Variants in GRIN2A observed in about 807,000 individuals in gnomAD.
The protein encoded by GRIN2A is glutamate receptor ionotropic, NMDA 2A.
A neutral mutation model predicts 113.4 loss-of-function variants in GRIN2A; 22 were observed. The observed-to-expected ratio is 0.19, with a 90% CI of 0.14 to 0.28. GRIN2A has a LOEUF of 0.28. Ranked by LOEUF, GRIN2A falls within the 10% of genes least tolerant of loss-of-function variation. The pLI, the probability that GRIN2A is intolerant of heterozygous loss-of-function variation, is 1.00. For synonymous variants in GRIN2A, 827 were observed against 738.4 expected, an observed-to-expected ratio of 1.12 and a Z score of -1.94; for missense variants, 1,502 against 1,887.0, an observed-to-expected ratio of 0.80 and a Z score of 3.78.
chr16:9,902,224 C>T (rs1426326182), intron 3 of GRIN2A, among the ~76,000 whole-genome samples: 1 of 152,150 alleles, frequency 6.6e-6, no homozygotes, highest in African/African-American at 2.4e-5. Context: ...GACCCTATGA[C>T]AATTTTCTGG....
chr16:10,094,771 G>A (rs1438986444), intron 2 of GRIN2A, among the ~76,000 whole-genome samples: 1 of 151,302 alleles, frequency 6.6e-6, no homozygotes, highest in Non-Finnish European at 1.5e-5. Context: ...TTTTAAAAGA[G>A]GAACCCAGAC....
chr16:10,114,325 C>G (rs139316298), intron 2 of GRIN2A, among the ~76,000 whole-genome samples: 2 of 152,298 alleles, frequency 1.3e-5, no homozygotes, highest in East Asian at 3.9e-4. Flanking sequence ...CTTGGAAACT[C>G]AAGAGAGAGT....
In GRIN2A at chr16:10,007,310, G is replaced by T. The variant is rs368873411; in HGVS notation, c.415-68759C>A. On this transcript the variant is annotated intron_variant, in intron 2 of 12. Transcript: ENST00000330684. ...CAGCATTCATCATTGCCTGTCTTTT[G>T]TAAAAAAGTCATTTTAGCTGGAGTG... Among the ~76,000 whole-genome samples the T allele has an allele frequency of 3.5e-4, 53 of 152,234 alleles. 1 individual carries two copies. The East Asian group carries it at 9.6e-3, about 28-fold the overall frequency.
At chr16:10,015,263 A>AAAAAAG (rs1195265214) in intron 2 of GRIN2A, among the ~76,000 whole-genome samples, 4 of 134,136 alleles carry the variant, frequency 3.0e-5, no homozygotes, top group Non-Finnish European at 6.3e-5. Flanking sequence ...AAAAAAAAAA[A>AAAAAAG]AAAAAAAAGA....
At chr16:9,928,980 C>A (rs1176663232) in intron 3 of GRIN2A, among the ~76,000 whole-genome samples, 6 of 152,202 alleles carry the variant, frequency 3.9e-5, no homozygotes, top group African/African-American at 1.4e-4. Context: ...TGTGCAGACG[C>A]CCACCAGGCA....
At chr16:10,103,147 G>A (rs1008701155) in intron 2 of GRIN2A, among the ~76,000 whole-genome samples, 2 of 151,350 alleles carry the variant, frequency 1.3e-5, no homozygotes, top group African/African-American at 4.9e-5. Context: ...ACTATCAGCA[G>A]CAACAGCAAC....
intron 4 of GRIN2A, among the ~76,000 whole-genome samples, chr16:9,865,153 G>T (rs1485868117): frequency 6.6e-6 from 1 of 152,166 alleles, no homozygotes; most frequent in Non-Finnish European, 1.5e-5. Flanking sequence ...ATTTAATAGT[G>T]AGAAAACAGT....
chr16:10,006,679 T>G (rs1474541345), intron 2 of GRIN2A, among the ~76,000 whole-genome samples: 1 of 152,158 alleles, frequency 6.6e-6, no homozygotes, highest in Non-Finnish European at 1.5e-5. Context: ...AAATTATTGC[T>G]GACTACAGTC....
At chr16:9,925,919 A>T (rs1412788730) in intron 3 of GRIN2A, among the ~76,000 whole-genome samples, 1 of 152,234 alleles carries the variant, frequency 6.6e-6, no homozygotes, top group Non-Finnish European at 1.5e-5. Context: ...AAGAAAGCAG[A>T]TTGGAACCAA....
At chr16:9,769,310 A>T in intron 11 of GRIN2A, 1 of 328,528 alleles carries the variant, frequency 3.0e-6, no homozygotes, top group Non-Finnish European at 5.6e-6. Context: ...TTTATATATA[A>T]AAATAGAGAA....
chr16:9,899,343 G>C (rs1416603735), intron 3 of GRIN2A, among the ~76,000 whole-genome samples: 2 of 146,332 alleles, frequency 1.4e-5, no homozygotes, highest in African/African-American at 5.1e-5. Context: ...ATGTGGCTGA[G>C]ACAGGAGAAC....
chr16:9,806,349 G>T (rs1488605430), intron 10 of GRIN2A, among the ~76,000 whole-genome samples: 1 of 152,186 alleles, frequency 6.6e-6, no homozygotes, highest in Non-Finnish European at 1.5e-5. Flanking sequence ...GAAGATTTGA[G>T]TCATCTATGG....
At chr16:10,128,031 A>G (rs2048982105) in intron 2 of GRIN2A, among the ~76,000 whole-genome samples, 1 of 152,152 alleles carries the variant, frequency 6.6e-6, no homozygotes, top group Admixed American at 6.5e-5. Context: ...TAAGAACTCA[A>G]CAGCAGACCC....
chr16:9,850,755 A>C (rs1354136500), intron 4 of GRIN2A, among the ~76,000 whole-genome samples: 1 of 152,198 alleles, frequency 6.6e-6, no homozygotes, highest in African/African-American at 2.4e-5. Context: ...CTTAGCGTAC[A>C]TCAAGACCTG....
At chr16:9,923,558 T>C (rs1032193779) in intron 3 of GRIN2A, among the ~76,000 whole-genome samples, 1 of 152,220 alleles carries the variant, frequency 6.6e-6, no homozygotes. Flanking sequence ...TTGTGGCTTA[T>C]TAGCCAGAGC....
intron 2 of GRIN2A, among the ~76,000 whole-genome samples, chr16:10,093,799 A>G (rs1280391330): frequency 6.6e-6 from 1 of 152,088 alleles, no homozygotes; most frequent in Non-Finnish European, 1.5e-5. Flanking sequence ...AGTTTGGCCA[A>G]TTACGTGAGG....
intron 2 of GRIN2A, among the ~76,000 whole-genome samples, chr16:9,948,886 C>G (rs988342258): frequency 3.3e-5 from 5 of 152,332 alleles, no homozygotes; most frequent in African/African-American, 1.2e-4. Context: ...CATGCCAGCG[C>G]TGCAGCTCAC....
chr16:10,048,546 ATTAAC>A (rs1386317962), intron 2 of GRIN2A, among the ~76,000 whole-genome samples: 3 of 152,222 alleles, frequency 2.0e-5, no homozygotes, highest in African/African-American at 7.2e-5. Flanking sequence ...CTCCACTTGA[ATTAAC>A]ATTCAGGAAA....
intron 2 of GRIN2A, among the ~76,000 whole-genome samples, chr16:10,050,640 T>C (rs1021738040): frequency 1.3e-5 from 2 of 152,080 alleles, no homozygotes; most frequent in Non-Finnish European, 2.9e-5. Flanking sequence ...ATGAGTTGTA[T>C]CATTATTTCA....
Sources: allele counts gnomAD v4.1 joint callset (sites outside exome capture counted in the v4.1 genomes callset), GRCh38; gene constraint gnomAD v4.1.1; transcripts MANE v1.5; gene names NCBI Gene and HGNC (gene_info 2026-07-23, HGNC 2026-07-21).